The following SYNPR variants were observed in gnomAD, a reference collection of about 807,000 sequenced individuals.
The protein encoded by SYNPR is synaptoporin.
SYNPR carries 23 observed loss-of-function variants against 32.9 expected under a neutral mutation model. The observed-to-expected ratio is 0.70, with a 90% CI of 0.50 to 0.99. The LOEUF (loss-of-function observed/expected upper bound fraction) is 0.99. Ranked by LOEUF, SYNPR falls within the 50% of genes least tolerant of loss-of-function variation. SYNPR has a pLI of 0.00. For synonymous variants in SYNPR, 146 were observed against 135.9 expected (o/e 1.07, Z -0.52); for missense variants, 318 against 349.3 (o/e 0.91, Z 0.71).
rs183614979 is a variant in SYNPR, at chr3:63,370,186, A to T, written c.84+91444A>T. Among the ~76,000 whole-genome samples the T allele has an allele frequency of 3.9e-4, 60 of 152,296 alleles. 1 individual carries two copies. Among genetic ancestry groups the T allele is most frequent in the Non-Finnish European group, 5.9e-4 (40 of 68,024 alleles). On this transcript the variant is annotated intron_variant, in intron 2 of 5. Transcript: ENST00000478300. ...TTGTAGATGTCCACATGAAGTGGACATGTTAATCCCCCTTTATCCTCTAAA... is the reference window on the plus strand; with the variant it reads ...TTGTAGATGTCCACATGAAGTGGACTTGTTAATCCCCCTTTATCCTCTAAA...
At chr3:63,204,556 G>T in the SYNPR span, among the ~76,000 whole-genome samples, 14 of 152,244 alleles carry the variant, frequency 9.2e-5, no homozygotes, top group Admixed American at 8.5e-4. Flanking sequence ...TTTTTAGAGG[G>T]ATACAGTTCA....
chr3:63,472,514 G>T (rs1258684640), intron 2 of SYNPR, among the ~76,000 whole-genome samples: 1 of 151,966 alleles, frequency 6.6e-6, no homozygotes, highest in African/African-American at 2.4e-5. Context: ...TTACTATTCA[G>T]TTACACAGTG....
intron 3 of SYNPR, among the ~76,000 whole-genome samples, chr3:63,555,957 G>A (rs1042377751): frequency 1.3e-5 from 2 of 152,186 alleles, no homozygotes; most frequent in Non-Finnish European, 2.9e-5. Flanking sequence ...ATTAATGGCA[G>A]GAAAAGGCTC....
chr3:63,456,547 C>T (rs1394007499), intron 2 of SYNPR, among the ~76,000 whole-genome samples: 2 of 152,022 alleles, frequency 1.3e-5, no homozygotes, highest in African/African-American at 2.4e-5. Context: ...ACAACAGCCC[C>T]GTGAGACAGG....
At chr3:63,473,192 C>A (rs1199120580) in intron 2 of SYNPR, among the ~76,000 whole-genome samples, 1 of 152,148 alleles carries the variant, frequency 6.6e-6, no homozygotes, top group African/African-American at 2.4e-5. Context: ...GGCCCATTTT[C>A]CTGGTTTCTG....
intron 2 of SYNPR, among the ~76,000 whole-genome samples, chr3:63,289,025 C>A (rs9857667): frequency 0.013 from 1,991 of 151,992 alleles, 19 homozygotes; most frequent in Non-Finnish European, 0.02. Flanking sequence ...AAATGAGGAC[C>A]ATAAGAGTCA....
intron 4 of SYNPR, among the ~76,000 whole-genome samples, chr3:63,603,167 A>G (rs1216872410): frequency 6.6e-6 from 1 of 152,150 alleles, no homozygotes; most frequent in Non-Finnish European, 1.5e-5. Context: ...GTGTATGGAA[A>G]TGCTACTGAT....
chr3:63,245,715 GTGTGTGTGTGTGTGTGTGTGTGTGTA>G (rs1478324650), intron 1 of SYNPR, among the ~76,000 whole-genome samples: 91 of 52,180 alleles, frequency 1.7e-3, no homozygotes, highest in Admixed American at 3.7e-3. Flanking sequence ...GAGAGAGTGT[GTGTGTGTGTGTGTGTGTGTGTGTGTA>G]TGTGTGTGTG....
At chr3:63,259,222 T>C (rs1256775901) in intron 2 of SYNPR, among the ~76,000 whole-genome samples, 1 of 152,192 alleles carries the variant, frequency 6.6e-6, no homozygotes, top group Non-Finnish European at 1.5e-5. Flanking sequence ...ACTCATTTTA[T>C]GAGGCCAGCA....
chr3:63,433,325 A>G (rs1700024477), intron 2 of SYNPR, among the ~76,000 whole-genome samples: 1 of 152,200 alleles, frequency 6.6e-6, no homozygotes, highest in Non-Finnish European at 1.5e-5. Flanking sequence ...CTTAATTTGT[A>G]TCATTTAAAG....
intron 2 of SYNPR, among the ~76,000 whole-genome samples, chr3:63,315,516 A>G (rs2087030976): frequency 6.6e-6 from 1 of 151,816 alleles, no homozygotes; most frequent in South Asian, 2.1e-4. Context: ...AAAGGGGTTG[A>G]GTTCTTGATT....
chr3:63,492,748 G>A (rs1251473216), intron 3 of SYNPR, among the ~76,000 whole-genome samples: 1 of 152,080 alleles, frequency 6.6e-6, no homozygotes, highest in Non-Finnish European at 1.5e-5. Flanking sequence ...GGAGTGTGGT[G>A]GGAAGAACCT....
the SYNPR span, among the ~76,000 whole-genome samples, chr3:63,207,222 G>C: frequency 1.3e-5 from 2 of 152,226 alleles, no homozygotes; most frequent in African/African-American, 2.4e-5. Flanking sequence ...ATTTCACTGA[G>C]TGTTTACATT....
chr3:63,513,932 T>C (rs1442950370), intron 3 of SYNPR, among the ~76,000 whole-genome samples: 3 of 152,106 alleles, frequency 2.0e-5, no homozygotes, highest in African/African-American at 4.8e-5. Flanking sequence ...ATTTAATTCA[T>C]AAACCTTCTG....
chr3:63,458,695 T>A (rs529079498), intron 2 of SYNPR, among the ~76,000 whole-genome samples: 3 of 152,156 alleles, frequency 2.0e-5, no homozygotes, highest in African/African-American at 4.8e-5. Flanking sequence ...TGCTCCAAAG[T>A]ATTACAATTA....
intron 2 of SYNPR, among the ~76,000 whole-genome samples, chr3:63,367,736 G>C (rs2087745455): frequency 6.6e-6 from 1 of 152,192 alleles, no homozygotes; most frequent in African/African-American, 2.4e-5. Context: ...AACAGGCCCA[G>C]AGATGGTAAG....
chr3:63,403,090 G>A (rs989360376), intron 2 of SYNPR, among the ~76,000 whole-genome samples: 1 of 152,110 alleles, frequency 6.6e-6, no homozygotes, highest in African/African-American at 2.4e-5. Flanking sequence ...TTCTTCCCGA[G>A]TAACATAATT....
At chr3:63,409,635 G>T (rs2088435436) in intron 2 of SYNPR, among the ~76,000 whole-genome samples, 1 of 152,056 alleles carries the variant, frequency 6.6e-6, no homozygotes, top group South Asian at 2.1e-4. Flanking sequence ...CTTATATATT[G>T]TTCTTCAGAT....
intron 2 of SYNPR, among the ~76,000 whole-genome samples, chr3:63,340,221 T>TC (rs1405242360): frequency 6.6e-6 from 1 of 152,172 alleles, no homozygotes; most frequent in Admixed American, 6.5e-5. Context: ...CATTGAAGAA[T>TC]ATCTATGCTG....
Sources: gnomAD v4.1 joint callset for allele counts (sites outside exome capture counted in the v4.1 genomes callset) on GRCh38, gnomAD v4.1.1 for gene constraint, MANE v1.5 for transcripts, NCBI Gene and HGNC (gene_info 2026-07-23, HGNC 2026-07-21) for gene names.